Variants in TFEC observed in about 807,000 individuals in gnomAD.
TFEC encodes transcription factor EC.
A neutral mutation model predicts 41.6 loss-of-function variants in TFEC; 31 were observed. That is an observed-to-expected ratio of 0.74 (90% CI 0.56 to 1.01). The LOEUF is 1.01. Ranked by LOEUF, TFEC falls within the 50% of genes least tolerant of loss-of-function variation. The pLI is 0.00. For synonymous variants in TFEC, 143 were observed against 140.6 expected (o/e 1.02, Z -0.12); for missense variants, 402 against 404.1 (o/e 0.99, Z 0.04).
At chr7:116,063,968 A>T (rs910963238) in intron 3 of TFEC, among the ~76,000 whole-genome samples, 1 of 152,204 alleles carries the variant, frequency 6.6e-6, no homozygotes, top group African/African-American at 2.4e-5. Context: ...CCAAAGTGAA[A>T]TAAGCCAGGA....
At chr7:116,123,055 C>T (rs940055994) in intron 1 of TFEC, among the ~76,000 whole-genome samples, 3 of 151,966 alleles carry the variant, frequency 2.0e-5, no homozygotes, top group African/African-American at 7.3e-5. Context: ...GAAAGGAAAA[C>T]ATTAATGAAC....
intron 1 of TFEC, among the ~76,000 whole-genome samples, chr7:116,138,318 ATAT>A (rs1294329302): frequency 1.3e-5 from 2 of 152,282 alleles, no homozygotes; most frequent in Admixed American, 6.5e-5. Flanking sequence ...CATAAGCATG[ATAT>A]TATCTGAAAG....
intron 3 of TFEC, among the ~76,000 whole-genome samples, chr7:116,037,509 T>G (rs758212067): frequency 6.6e-5 from 10 of 152,024 alleles, no homozygotes; most frequent in Non-Finnish European, 1.5e-4. Flanking sequence ...TTGAGTCTCT[T>G]GGCAAATAAT....
At chr7:115,980,336 G>C (rs1793570437) in intron 2 of TFEC, among the ~76,000 whole-genome samples, 1 of 152,154 alleles carries the variant, frequency 6.6e-6, no homozygotes, top group Non-Finnish European at 1.5e-5. Flanking sequence ...TAAGATAAAA[G>C]TCACATAGTG....
intron 2 of TFEC, among the ~76,000 whole-genome samples, chr7:115,975,772 A>G (rs745506805): frequency 8.5e-5 from 13 of 152,300 alleles, no homozygotes; most frequent in Non-Finnish European, 1.9e-4. Flanking sequence ...TTGAACAGAC[A>G]TAAGATTAAC....
chr7:116,144,268 G>A (rs568660915), intron 1 of TFEC, among the ~76,000 whole-genome samples: 2 of 151,858 alleles, frequency 1.3e-5, no homozygotes, highest in South Asian at 4.2e-4. Flanking sequence ...ATAACTCTAA[G>A]AAATATCACT....
intron 6 of TFEC, among the ~76,000 whole-genome samples, chr7:115,947,440 T>G (rs1175176306): frequency 4.0e-5 from 6 of 151,384 alleles, no homozygotes; most frequent in Admixed American, 6.6e-5. Flanking sequence ...TACCCAGTAA[T>G]GGGATGGCTG....
chr7:115,974,104 ATATT>A (rs1204144331), intron 3 of TFEC, 62 bp downstream of exon 3: 1 of 1,327,240 alleles, frequency 7.5e-7, no homozygotes, highest in Admixed American at 2.5e-5. Context: ...TGCTAATCAA[ATATT>A]TTTATTATCA....
chr7:116,047,377 C>T (rs1239016704), intron 3 of TFEC, among the ~76,000 whole-genome samples: 2 of 152,128 alleles, frequency 1.3e-5, no homozygotes, highest in Non-Finnish European at 2.9e-5. Flanking sequence ...TCGGAGGGTC[C>T]CACACCCACA....
At chr7:115,995,467 G>A (rs984324336) in intron 1 of TFEC, among the ~76,000 whole-genome samples, 1 of 152,042 alleles carries the variant, frequency 6.6e-6, no homozygotes, top group Non-Finnish European at 1.5e-5. Flanking sequence ...TTATACAAGT[G>A]GCAAGAGGGA....
intron 1 of TFEC, among the ~76,000 whole-genome samples, chr7:116,022,165 T>G (rs1214810848): frequency 6.6e-6 from 1 of 152,086 alleles, no homozygotes; most frequent in Non-Finnish European, 1.5e-5. Context: ...TCACCATATT[T>G]TTGGAGATTT....
chr7:116,062,482 T>C (rs1796586668), intron 3 of TFEC, among the ~76,000 whole-genome samples: 1 of 147,950 alleles, frequency 6.8e-6, no homozygotes, highest in African/African-American at 2.5e-5. Flanking sequence ...GTTACTTCAC[T>C]AAGAATAATA....
intron 1 of TFEC, among the ~76,000 whole-genome samples, chr7:116,144,205 G>C (rs1228345298): frequency 5.7e-5 from 8 of 139,266 alleles, no homozygotes; most frequent in African/African-American, 2.2e-4. Context: ...AACAGAGTGA[G>C]ACTCCATCAA....
At chr7:116,106,550 T>C (rs1797722781) in intron 3 of TFEC, among the ~76,000 whole-genome samples, 2 of 152,082 alleles carry the variant, frequency 1.3e-5, no homozygotes, top group South Asian at 4.2e-4. Flanking sequence ...GCCCAGCTAA[T>C]TTTTGTATTT....
intron 3 of TFEC, among the ~76,000 whole-genome samples, chr7:116,072,641 C>A (rs1422280934): frequency 1.3e-5 from 2 of 151,426 alleles, no homozygotes; most frequent in Non-Finnish European, 3.0e-5. Flanking sequence ...ATTTAAGTAG[C>A]CTTATAATGT....
chr7:116,075,029 T>C (rs1221941144), intron 3 of TFEC, among the ~76,000 whole-genome samples: 1 of 151,714 alleles, frequency 6.6e-6, no homozygotes, highest in Non-Finnish European at 1.5e-5. Flanking sequence ...AACAAAAGAG[T>C]TGGGGAAATG....
intron 3 of TFEC, among the ~76,000 whole-genome samples, chr7:116,106,060 G>C (rs1797709844): frequency 1.3e-5 from 2 of 152,076 alleles, no homozygotes; most frequent in African/African-American, 2.4e-5. Flanking sequence ...ATTCCAAGAA[G>C]ATAGAGCTTC....
intron 3 of TFEC, among the ~76,000 whole-genome samples, chr7:116,055,466 G>C (rs1417769737): frequency 2.0e-5 from 3 of 151,882 alleles, no homozygotes; most frequent in African/African-American, 7.2e-5. Flanking sequence ...ATACAAATAT[G>C]TTCTAATATA....
At position 115,950,961 on chromosome 7, in the gene TFEC, G is replaced by A; in HGVS notation, c.440-12C>T. 1 of 1,510,650 alleles carries A rather than the reference G, an allele frequency of 6.6e-7. No homozygotes were observed. Among genetic ancestry groups the A allele is most frequent in the South Asian group, 1.2e-5 (1 of 84,442 alleles). 93.6% of individuals were successfully genotyped at this position (1,510,650 alleles called of 1,614,324 possible). On this transcript the variant is annotated splice_polypyrimidine_tract_variant and intron_variant, in intron 5 of 7. Coordinates refer to ENST00000265440, the MANE Select transcript of TFEC (RefSeq NM_012252.4). The stretch of plus-strand genomic sequence containing the variant: ...TCTTCTTCTTTCAACTATTAAAGAA[G>A]AAATATTATTGATTATTCTCATTAA...
Sources: gnomAD v4.1 joint callset for allele counts (sites outside exome capture counted in the v4.1 genomes callset) on GRCh38, gnomAD v4.1.1 for gene constraint, MANE v1.5 for transcripts, NCBI Gene and HGNC (gene_info 2026-07-23, HGNC 2026-07-21) for gene names.